Variants in NFATC2 observed in about 807,000 individuals in gnomAD.
NFATC2 encodes nuclear factor of activated T cells 2, also known as nuclear factor of activated T-cells, cytoplasmic 2.
In NFATC2, 22 loss-of-function variants were observed where a neutral mutation model predicts 87.3. The observed-to-expected ratio is 0.25, with a 90% CI of 0.18 to 0.36. The LOEUF (loss-of-function observed/expected upper bound fraction) is 0.36. NFATC2 is among the 10% of genes least tolerant of loss of function. The pLI is 1.00. For synonymous variants in NFATC2, 565 were observed against 542.2 expected (o/e 1.04, Z -0.58); for missense variants, 1,149 against 1,259.1 (o/e 0.91, Z 1.32).
At chr20:51,409,734 G>A (rs894515119) in intron 9 of NFATC2, among the ~76,000 whole-genome samples, 3 of 152,186 alleles carry the variant, frequency 2.0e-5, no homozygotes, top group South Asian at 2.1e-4. Context: ...GACAGTATGC[G>A]ACTGCAACCT....
intron 5 of NFATC2, among the ~76,000 whole-genome samples, chr20:51,464,203 G>C (rs1484458426): frequency 6.6e-6 from 1 of 152,198 alleles, no homozygotes; most frequent in African/African-American, 2.4e-5. Context: ...AGGGCTGCAG[G>C]CAAGACAATG....
chr20:51,414,230 C>T (rs1979707030), intron 9 of NFATC2, among the ~76,000 whole-genome samples: 1 of 152,008 alleles, frequency 6.6e-6, no homozygotes, highest in Admixed American at 6.5e-5. Flanking sequence ...CATTTGTCCT[C>T]ACTACCCAGA....
intron 1 of NFATC2, among the ~76,000 whole-genome samples, chr20:51,540,670 T>TTTTTTTTTTTTTTTTTTTA (rs1600993973): frequency 1.3e-5 from 2 of 149,288 alleles, no homozygotes; most frequent in African/African-American, 5.0e-5. Flanking sequence ...TTTTTTTTTT[T>TTTTTTTTTTTTTTTTTTTA]TGAGAAAACA....
At chr20:51,540,012 A>G (rs2076780874) in intron 1 of NFATC2, among the ~76,000 whole-genome samples, 2 of 152,092 alleles carry the variant, frequency 1.3e-5, no homozygotes, top group South Asian at 4.2e-4. Flanking sequence ...TGGATAGTAT[A>G]CTTTTTGTTG....
intron 1 of NFATC2, among the ~76,000 whole-genome samples, chr20:51,548,318 C>T (rs1283650632): frequency 6.6e-6 from 1 of 152,184 alleles, no homozygotes; most frequent in Non-Finnish European, 1.5e-5. Context: ...ATCGCATCCC[C>T]CGGCATTCTC....
chr20:51,456,453 C>T (rs1174674956), intron 5 of NFATC2, among the ~76,000 whole-genome samples: 2 of 152,184 alleles, frequency 1.3e-5, no homozygotes, highest in Non-Finnish European at 2.9e-5. Context: ...TCTCCAGCTC[C>T]AGCGCCCAAT....
In NFATC2 at chr20:51,388,605, G is replaced by A. The variant is rs1234421752; in HGVS notation, c.*2891C>T. The stretch of plus-strand genomic sequence containing the variant: ...TCCAACAGGGGTGTAATATTTTGAG[G>A]ACAGGTAAAAAGCATAAAAATACAG... On this transcript the variant is annotated 3_prime_UTR_variant, in exon 11 of 11. Coordinates refer to ENST00000371564, the MANE Select transcript of NFATC2 (RefSeq NM_012340.5). The A allele has an allele frequency of 6.6e-6, 1 of 152,050 alleles. No individual in the cohort carries two copies. Among genetic ancestry groups the A allele is most frequent in the African/African-American group, 2.4e-5 (1 of 41,382 alleles). 9.4% of individuals were successfully genotyped at this position (152,050 alleles called of 1,614,324 possible).
At position 51,391,049 on chromosome 20, in the gene NFATC2, C is replaced by T. The variant is rs1012079111; in HGVS notation, c.*447G>A. ...CACAGTGCCCACATCTTCTGTCCCCCGTCCATCCCCCCAAGCTCCAGTCAC... is the reference window on the plus strand; with the variant it reads ...CACAGTGCCCACATCTTCTGTCCCCTGTCCATCCCCCCAAGCTCCAGTCAC... On this transcript the variant is annotated 3_prime_UTR_variant, in exon 11 of 11. Transcript: ENST00000371564. The T allele has an allele frequency of 4.5e-5, 19 of 424,418 alleles. No homozygotes were observed. The highest frequency in any genetic ancestry group is 2.3e-4 in the South Asian group (11 of 48,442). 26.3% of individuals were successfully genotyped at this position (424,418 alleles called of 1,614,324 possible).
At chr20:51,394,655 T>C (rs1187891424) in intron 10 of NFATC2, among the ~76,000 whole-genome samples, 1 of 148,616 alleles carries the variant, frequency 6.7e-6, no homozygotes, top group Non-Finnish European at 1.5e-5. Context: ...CATTTATTTA[T>C]GAACAGAACA....
At chr20:51,508,244 C>T (rs900173396) in intron 3 of NFATC2, among the ~76,000 whole-genome samples, 4 of 152,094 alleles carry the variant, frequency 2.6e-5, no homozygotes, top group Admixed American at 6.5e-5. Context: ...AGTTAGCAGG[C>T]GGGCCGGTCT....
intron 3 of NFATC2, among the ~76,000 whole-genome samples, chr20:51,486,166 G>A (rs1039532835): frequency 5.3e-5 from 8 of 151,790 alleles, no homozygotes; most frequent in African/African-American, 9.7e-5. Context: ...AGCCAAGATC[G>A]TGCCACTGCA....
chr20:51,532,150 T>A (rs532801223), intron 1 of NFATC2, among the ~76,000 whole-genome samples: 1 of 152,244 alleles, frequency 6.6e-6, no homozygotes, highest in South Asian at 2.1e-4. Flanking sequence ...ACTGTACGCA[T>A]CTAGTGTATG....
intron 6 of NFATC2, among the ~76,000 whole-genome samples, chr20:51,441,441 T>C (rs377046747): frequency 1.2e-4 from 18 of 151,836 alleles, no homozygotes; most frequent in African/African-American, 4.4e-4. Flanking sequence ...TTTGGCCAGG[T>C]TCGGTGGCTC....
chr20:51,479,667 G>A (rs1354550800), intron 3 of NFATC2, among the ~76,000 whole-genome samples: 1 of 152,130 alleles, frequency 6.6e-6, no homozygotes, highest in Non-Finnish European at 1.5e-5. Context: ...GAAAGCATCT[G>A]TTTCCCTCAT....
At chr20:51,471,953 A>G (rs1306189132) in intron 5 of NFATC2, among the ~76,000 whole-genome samples, 1 of 152,188 alleles carries the variant, frequency 6.6e-6, no homozygotes, top group Non-Finnish European at 1.5e-5. Flanking sequence ...CTACACATGT[A>G]CCCTGGAACT....
At chr20:51,436,570 C>T (rs1456832013) in intron 6 of NFATC2, among the ~76,000 whole-genome samples, 1 of 151,818 alleles carries the variant, frequency 6.6e-6, no homozygotes, top group Non-Finnish European at 1.5e-5. Context: ...CAAAAATTAG[C>T]CAGGTGTGGT....
At chr20:51,447,568 G>T (rs1012912657) in intron 6 of NFATC2, among the ~76,000 whole-genome samples, 1 of 152,128 alleles carries the variant, frequency 6.6e-6, no homozygotes, top group African/African-American at 2.4e-5. Flanking sequence ...CCCCTTTCCC[G>T]CTGCCACATC....
At chr20:51,497,627 A>G (rs1046701939) in intron 3 of NFATC2, among the ~76,000 whole-genome samples, 3 of 152,058 alleles carry the variant, frequency 2.0e-5, no homozygotes, top group Non-Finnish European at 2.9e-5. Context: ...CTCTGCAGCC[A>G]CCGCCTTCCA....
At chr20:51,412,517 G>A (rs900964740) in intron 9 of NFATC2, among the ~76,000 whole-genome samples, 1 of 152,146 alleles carries the variant, frequency 6.6e-6, no homozygotes, top group Non-Finnish European at 1.5e-5. Context: ...CTGGCAGCCT[G>A]GAAAACACAG....
Sources: allele counts gnomAD v4.1 joint callset (sites outside exome capture counted in the v4.1 genomes callset), GRCh38; gene constraint gnomAD v4.1.1; transcripts MANE v1.5; gene names NCBI Gene and HGNC (gene_info 2026-07-23, HGNC 2026-07-21).